Variants in CSMD3 observed in about 807,000 individuals in gnomAD.
The protein encoded by CSMD3 is CUB and Sushi multiple domains 3.
Under a neutral mutation model 435.2 loss-of-function variants are expected in CSMD3, and 177 were observed. The ratio of observed to expected loss-of-function variants is 0.41; its 90% CI spans 0.36 to 0.46. The LOEUF is 0.46. CSMD3 is among the 20% of genes least tolerant of loss of function. CSMD3 has a pLI of 0.34. For missense variants in CSMD3, 4,265 were observed against 4,504.6 expected, an observed-to-expected ratio of 0.95 and a Z score of 1.52; for synonymous variants, 1,656 against 1,520.5, an observed-to-expected ratio of 1.09 and a Z score of -2.07.
At chr8:112,295,221 G>T (rs1047939008) in intron 54 of CSMD3, among the ~76,000 whole-genome samples, 8 of 152,080 alleles carry the variant, frequency 5.3e-5, no homozygotes, top group Non-Finnish European at 1.0e-4. Context: ...ATGACATAAT[G>T]ATAAACATCT....
intron 5 of CSMD3, among the ~76,000 whole-genome samples, chr8:113,094,464 C>T (rs961580706): frequency 6.6e-6 from 1 of 152,128 alleles, no homozygotes; most frequent in South Asian, 2.1e-4. Flanking sequence ...CACTCTTTAT[C>T]ATTAATTTTT....
chr8:112,849,358 G>A (rs2080419665), intron 11 of CSMD3, among the ~76,000 whole-genome samples: 1 of 151,902 alleles, frequency 6.6e-6, no homozygotes, highest in Non-Finnish European at 1.5e-5. Context: ...TGGTCAAAAA[G>A]CCATAAAGAA....
At chr8:113,159,023 T>C (rs2091988110) in intron 4 of CSMD3, among the ~76,000 whole-genome samples, 2 of 151,988 alleles carry the variant, frequency 1.3e-5, no homozygotes, top group South Asian at 4.1e-4. Context: ...TTGATGGTTC[T>C]TTTTAAGATA....
chr8:112,800,441 G>A (rs1395020034), intron 12 of CSMD3, among the ~76,000 whole-genome samples, 167 bp from the exon 13 acceptor site: 1 of 151,952 alleles, frequency 6.6e-6, no homozygotes, highest in African/African-American at 2.4e-5. Context: ...ACACAATTTA[G>A]TGATCAAGGT....
chr8:112,511,150 G>T (rs1048670472), intron 28 of CSMD3, among the ~76,000 whole-genome samples: 6 of 152,060 alleles, frequency 3.9e-5, no homozygotes, highest in Admixed American at 3.9e-4. Flanking sequence ...CCATATAAAA[G>T]TTATGTTTAC....
chr8:112,779,553 A>G (rs1681085006), intron 13 of CSMD3, among the ~76,000 whole-genome samples: 1 of 152,024 alleles, frequency 6.6e-6, no homozygotes, highest in Admixed American at 6.6e-5. Flanking sequence ...AAATTCAGCC[A>G]TCTTCAGCCC....
chr8:112,408,207 A>G, intron 34 of CSMD3, 111 bp downstream of exon 34: 2 of 804,154 alleles, frequency 2.5e-6, no homozygotes, highest in Non-Finnish European at 4.4e-6. Context: ...ACAAAATAAA[A>G]CTGCTTAAAA....
chr8:113,221,932 T>A (rs1446959322), intron 3 of CSMD3, among the ~76,000 whole-genome samples: 1 of 151,290 alleles, frequency 6.6e-6, no homozygotes, highest in Non-Finnish European at 1.5e-5. Flanking sequence ...GGACTTTGTT[T>A]TATTCCCTAC....
chr8:112,322,336 A>T (rs1298984921), intron 45 of CSMD3, among the ~76,000 whole-genome samples: 1 of 152,074 alleles, frequency 6.6e-6, no homozygotes, highest in Non-Finnish European at 1.5e-5. Flanking sequence ...GAAGACTATG[A>T]TGCTCAGAGT....
At chr8:112,615,340 C>T (rs1833585013) in intron 22 of CSMD3, among the ~76,000 whole-genome samples, 1 of 151,924 alleles carries the variant, frequency 6.6e-6, no homozygotes, top group African/African-American at 2.4e-5. Context: ...GGCTCTTGTC[C>T]CCAAGAGTAA....
chr8:113,428,433 C>T (rs1019888881), intron 1 of CSMD3, among the ~76,000 whole-genome samples: 6 of 151,758 alleles, frequency 4.0e-5, no homozygotes, highest in Non-Finnish European at 7.4e-5. Flanking sequence ...TCAGATTTCA[C>T]TTAACCACTA....
chr8:112,723,894 G>T (rs1271771581), intron 13 of CSMD3, among the ~76,000 whole-genome samples: 1 of 151,916 alleles, frequency 6.6e-6, no homozygotes, highest in South Asian at 2.1e-4. Context: ...TATGTATTGA[G>T]TACCCACTCT....
At chr8:112,316,821 A>G (rs1162663295) in intron 47 of CSMD3, among the ~76,000 whole-genome samples, 3 of 151,940 alleles carry the variant, frequency 2.0e-5, no homozygotes, top group African/African-American at 4.8e-5. Flanking sequence ...ACAGAAAACC[A>G]TATCTGGAAT....
chr8:112,933,403 T>C (rs1270482547), intron 9 of CSMD3, among the ~76,000 whole-genome samples: 1 of 152,178 alleles, frequency 6.6e-6, no homozygotes, highest in Non-Finnish European at 1.5e-5. Context: ...ATATCAGTTC[T>C]GCAAAGTATT....
intron 61 of CSMD3, among the ~76,000 whole-genome samples, chr8:112,258,772 G>T (rs1347672045): frequency 6.6e-6 from 1 of 152,140 alleles, no homozygotes; most frequent in Non-Finnish European, 1.5e-5. Context: ...TGGCACAGTG[G>T]CTCACGCCTG....
intron 5 of CSMD3, among the ~76,000 whole-genome samples, chr8:113,098,025 TTCAAA>T (rs1188371700): frequency 6.6e-6 from 1 of 152,054 alleles, no homozygotes; most frequent in Non-Finnish European, 1.5e-5. Context: ...CGAGTCCCTC[TTCAAA>T]TCAATCTCTT....
At chr8:112,860,933 T>C (rs1486366491) in intron 10 of CSMD3, among the ~76,000 whole-genome samples, 2 of 151,918 alleles carry the variant, frequency 1.3e-5, no homozygotes, top group African/African-American at 2.4e-5. Flanking sequence ...TCTGTGTTGA[T>C]AGCTCTCAAA....
intron 63 of CSMD3, among the ~76,000 whole-genome samples, chr8:112,249,392 C>T (rs760064580): frequency 8.5e-5 from 13 of 152,154 alleles, no homozygotes; most frequent in African/African-American, 2.4e-4. Flanking sequence ...TCCAGAGTTT[C>T]GTACTCAGTG....
intron 32 of CSMD3, among the ~76,000 whole-genome samples, chr8:112,438,241 T>C (rs1814592612): frequency 6.6e-6 from 1 of 152,192 alleles, no homozygotes; most frequent in Non-Finnish European, 1.5e-5. Flanking sequence ...AGACTAGTTG[T>C]TGCCATTTTA....
Sources: gnomAD v4.1 joint callset for allele counts (sites outside exome capture counted in the v4.1 genomes callset) on GRCh38, gnomAD v4.1.1 for gene constraint, MANE v1.5 for transcripts, NCBI Gene and HGNC (gene_info 2026-07-23, HGNC 2026-07-21) for gene names.